The following ZNF557 variants were observed in gnomAD, a reference collection of about 807,000 sequenced individuals.
The protein encoded by ZNF557 is zinc finger protein 557, also known as CTB-25J19.9.
A neutral mutation model predicts 21.2 loss-of-function variants in ZNF557; 19 were observed. The ratio of observed to expected loss-of-function variants is 0.90; its 90% CI spans 0.63 to 1.32. The LOEUF (loss-of-function observed/expected upper bound fraction) is 1.32. ZNF557 is among the 40% of genes most tolerant of loss of function. ZNF557 has a pLI of 0.00. For synonymous variants in ZNF557, 207 were observed against 194.8 expected (o/e 1.06, Z -0.52); for missense variants, 487 against 519.8 (o/e 0.94, Z 0.61).
At chr19:7,076,147 C>A (rs1359965047) in intron 4 of ZNF557, among the ~76,000 whole-genome samples, 2 of 152,174 alleles carry the variant, frequency 1.3e-5, no homozygotes, top group African/African-American at 4.8e-5. Flanking sequence ...TGAGAAAAGA[C>A]AGCTGCTCTG....
intron 2 of ZNF557, among the ~76,000 whole-genome samples, chr19:7,074,290 G>C (rs982890808): frequency 3.3e-5 from 5 of 150,412 alleles, no homozygotes; most frequent in Non-Finnish European, 5.9e-5. Context: ...ATAGACAGGA[G>C]CCACCGCGCC....
In ZNF557 at chr19:7,083,781, CA is replaced by C. The variant is rs368990071; in HGVS notation, c.*38del. ...GTGGGAAAAGCATTCATTGATCTTT[CA>C]TGCCTCAGATAACATGAGCAAACTC... is the stretch of plus-strand genomic sequence containing the variant. On this transcript the variant is annotated 3_prime_UTR_variant, in exon 8 of 8. Transcript: ENST00000252840. 5.1e-6 allele frequency: 8 copies of C among 1,559,064 alleles called. No homozygotes were observed. The African/African-American group carries it at 8.2e-5, about 16-fold the overall frequency.
In ZNF557 at chr19:7,084,045, A is replaced by C; in HGVS notation, c.*301A>C. The C allele has an allele frequency of 6.4e-6, 2 of 314,758 alleles. No individual in the cohort carries two copies. The highest frequency in any genetic ancestry group is 1.2e-5 in the Non-Finnish European group (2 of 168,058). 19.5% of individuals were successfully genotyped at this position (314,758 alleles called of 1,614,324 possible). A position where few individuals can be genotyped will look rare whatever the true frequency, so the allele number is the denominator to read the frequency against. ...CTTCCAAATGGCTTACAAGCCCGACAAGTGCATGCTAGCTGTTTCCAAGGG... is the reference window on the plus strand; with the variant it reads ...CTTCCAAATGGCTTACAAGCCCGACCAGTGCATGCTAGCTGTTTCCAAGGG... On this transcript the variant is annotated 3_prime_UTR_variant, in exon 8 of 8. Transcript: ENST00000252840.
chr19:7,076,516 A>G lies in ZNF557; in HGVS notation c.247+9A>G, dbSNP rs775175810. ...GAACCTGGCCTCACTGGGTAAGCCT[A>G]ATGTCATTCCTGCATTTATTTAATG... On this transcript the variant is annotated intron_variant, in intron 5 of 7. Coordinates refer to ENST00000252840, the MANE Select transcript of ZNF557 (RefSeq NM_024341.3). The G allele has an allele frequency of 6.2e-7, 1 of 1,610,994 alleles. No homozygotes were observed. The highest frequency in any genetic ancestry group is 1.1e-5 in the South Asian group (1 of 90,728).
chr19:7,073,013 C>T (rs1435693010), intron 2 of ZNF557, among the ~76,000 whole-genome samples: 2 of 151,958 alleles, frequency 1.3e-5, no homozygotes, highest in South Asian at 4.2e-4. Context: ...GAAGAGGGGG[C>T]GACCCACCAG....
At position 7,083,972 on chromosome 19, in the gene ZNF557, T is replaced by A; in HGVS notation, c.*228T>A. 1 of 506,100 alleles carries A rather than the reference T, an allele frequency of 2.0e-6. No homozygotes were observed. The highest frequency in any genetic ancestry group is 3.5e-6 in the Non-Finnish European group (1 of 284,944). 31.4% of individuals were successfully genotyped at this position (506,100 alleles called of 1,614,324 possible). On this transcript the variant is annotated 3_prime_UTR_variant, in exon 8 of 8. Coordinates refer to ENST00000252840, the MANE Select transcript of ZNF557 (RefSeq NM_024341.3). Reference sequence around the variant, plus strand: ...ATATCTCAAGAGGTTACAGTCCAGATGTCAGCAGAACTGTAATCATCCAGA... The same window carrying A: ...ATATCTCAAGAGGTTACAGTCCAGAAGTCAGCAGAACTGTAATCATCCAGA...
chr19:7,070,608 C>G lies in ZNF557; in HGVS notation c.-125C>G, dbSNP rs993435965. The G allele has an allele frequency of 2.0e-5, 3 of 152,150 alleles. No individual in the cohort carries two copies. The highest frequency in any genetic ancestry group is 7.2e-5 in the African/African-American group (3 of 41,428). The allele number at this position is 152,150 out of a possible 1,614,324, so 9.4% of individuals were successfully genotyped here. A position where few individuals can be genotyped will look rare whatever the true frequency, so the allele number is the denominator to read the frequency against. ...CTCAGATTTGTGTTGAAACCAGCCT[C>G]AAGTTTCACCTATCCTCACTGATCC... On this transcript the variant is annotated 5_prime_UTR_variant, in exon 2 of 8. Coordinates refer to ENST00000252840, the MANE Select transcript of ZNF557 (RefSeq NM_024341.3).
At chr19:7,076,028 G>A (rs1012069239) in intron 4 of ZNF557, among the ~76,000 whole-genome samples, 9 of 152,212 alleles carry the variant, frequency 5.9e-5, no homozygotes, top group Middle Eastern at 3.4e-3. Flanking sequence ...AAGGCCATAC[G>A]GAAATCATTC....
chr19:7,081,279 T>C, intron 5 of ZNF557, 81 bp from the exon 6 acceptor site: 2 of 915,788 alleles, frequency 2.2e-6, no homozygotes, highest in East Asian at 2.6e-5. Context: ...CCTCTTCACC[T>C]TCAGAACTGA....
intron 6 of ZNF557, among the ~76,000 whole-genome samples, 190 bp downstream of exon 6, chr19:7,081,645 T>G (rs1444327630): frequency 6.6e-6 from 1 of 152,318 alleles, no homozygotes; most frequent in Non-Finnish European, 1.5e-5. Context: ...TTCTGTCATC[T>G]CATACTTTAC....
chr19:7,079,441 C>A (rs62124467), intron 5 of ZNF557, among the ~76,000 whole-genome samples: 33 of 151,732 alleles, frequency 2.2e-4, no homozygotes, highest in African/African-American at 7.7e-4. Flanking sequence ...CAGGGTTCAC[C>A]GTGTTAGCCA....
rs956108216 is a variant in ZNF557, at chr19:7,072,407, A to G, written c.-80+1754A>G. On this transcript the variant is annotated intron_variant, in intron 2 of 7. Transcript: ENST00000252840. ...ACCATTGTACTCCAGCCTGGGTGAC[A>G]GAGCAAGACTGTCTCAAAATAAATA... Among the ~76,000 whole-genome samples the G allele has an allele frequency of 5.3e-5, 8 of 152,226 alleles. No individual in the cohort carries two copies. The South Asian group carries it at 6.2e-4, about 12-fold the overall frequency.
chr19:7,087,698 G>A lies in ZNF557; in HGVS notation c.*3954G>A, dbSNP rs1977896011. Reference sequence around the variant, plus strand: ...GGTTAAAACCAAAGAGAGAGAGAGAGAGAGTGTGTGTGTGTGTGTGTGTGT... The same window carrying A: ...GGTTAAAACCAAAGAGAGAGAGAGAAAGAGTGTGTGTGTGTGTGTGTGTGT... On this transcript the variant is annotated 3_prime_UTR_variant, in exon 8 of 8. Coordinates refer to ENST00000252840, the MANE Select transcript of ZNF557 (RefSeq NM_024341.3). 1.8e-5 allele frequency: 1 copy of A among 56,150 alleles called. No homozygotes were observed. The highest frequency in any genetic ancestry group is 6.8e-5 in the African/African-American group (1 of 14,612). 3.5% of individuals were successfully genotyped at this position (56,150 alleles called of 1,614,324 possible). A position where few individuals can be genotyped will look rare whatever the true frequency, so the allele number is the denominator to read the frequency against.
intron 5 of ZNF557, among the ~76,000 whole-genome samples, chr19:7,080,864 C>T (rs1392284126): frequency 2.0e-5 from 3 of 152,134 alleles, no homozygotes; most frequent in African/African-American, 7.2e-5. Flanking sequence ...GTGGAGTTCC[C>T]TACTCCACTA....
At chr19:7,070,050 G>T (rs1977429093) in intron 1 of ZNF557, among the ~76,000 whole-genome samples, 1 of 152,212 alleles carries the variant, frequency 6.6e-6, no homozygotes, top group Non-Finnish European at 1.5e-5. Context: ...TGCTACTACT[G>T]TAATCTAGAG....
Sources: gnomAD v4.1 joint callset for allele counts (sites outside exome capture counted in the v4.1 genomes callset) on GRCh38, gnomAD v4.1.1 for gene constraint, MANE v1.5 for transcripts, NCBI Gene and HGNC (gene_info 2026-07-23, HGNC 2026-07-21) for gene names.